The following HAUS8 variants were observed in gnomAD, a reference collection of about 807,000 sequenced individuals.
The protein encoded by HAUS8 is HAUS augmin like complex subunit 8, also known as HAUS augmin-like complex subunit 8.
In HAUS8, 38 loss-of-function variants were observed where a neutral mutation model predicts 42.9. The ratio of observed to expected loss-of-function variants is 0.89; its 90% CI spans 0.68 to 1.16. The LOEUF is 1.16. HAUS8 is among the 50% of genes most tolerant of loss of function. HAUS8 has a pLI of 0.00. For synonymous variants in HAUS8, 199 were observed against 205.8 expected, an observed-to-expected ratio of 0.97 and a Z score of 0.28; for missense variants, 494 against 511.6, an observed-to-expected ratio of 0.97 and a Z score of 0.33.
chr19:17,061,278 G>C (rs1218995282), intron 4 of HAUS8, among the ~76,000 whole-genome samples: 7 of 152,098 alleles, frequency 4.6e-5, no homozygotes, highest in African/African-American at 1.7e-4. Context: ...ATACAGGCAA[G>C]TGTCACCATG....
chr19:17,054,900 G>C (rs1315391583), intron 9 of HAUS8: 1 of 149,096 alleles, frequency 6.7e-6, no homozygotes, highest in Non-Finnish European at 1.5e-5. Flanking sequence ...AGCCTGAGAA[G>C]TTGAAGGCTG....
chr19:17,066,488 A>AG (rs1431006327), intron 3 of HAUS8, among the ~76,000 whole-genome samples: 1 of 152,124 alleles, frequency 6.6e-6, no homozygotes, highest in South Asian at 2.1e-4. Flanking sequence ...GAACCCAAAG[A>AG]GGGGGGTCAT....
Position 17,050,019 on chromosome 19 carries a change from T to C in HAUS8, c.1087A>G (p.Asn363Asp). 6.2e-7 allele frequency: 1 copy of C among 1,609,032 alleles called. No individual in the cohort carries two copies. Among genetic ancestry groups the C allele is most frequent in the Admixed American group, 1.7e-5 (1 of 59,160 alleles). The change falls in exon 11 of 11, where the codon AAC becomes GAC. Residue 363 changes from asparagine (N) to aspartate (D), a missense_variant. By Grantham distance (23) the Asn-to-Asp change is conservative (BLOSUM62 1). Coordinates refer to ENST00000253669, the MANE Select transcript of HAUS8 (RefSeq NM_033417.2). Reference sequence around the variant, plus strand: ...TTGTCGTCCTCAGACAGGGGCGTGTTCTTGGGTGCTCCCCCAGATTCTCTG... The same window carrying C: ...TTGTCGTCCTCAGACAGGGGCGTGTCCTTGGGTGCTCCCCCAGATTCTCTG... ...ACRESGGAPK[N>D]TPLSEDDNPG...
At position 17,059,662 on chromosome 19, in the gene HAUS8, G is replaced by A; in HGVS notation, c.326-11C>T. On this transcript the variant is annotated splice_polypyrimidine_tract_variant and intron_variant, in intron 5 of 10. Transcript: ENST00000253669. ...TGACGATGCTTTTGTCTAAGATAAAGCACAGCATTTTTAATGGCAAGTAGC... is the reference window on the plus strand; with the variant it reads ...TGACGATGCTTTTGTCTAAGATAAAACACAGCATTTTTAATGGCAAGTAGC... The A allele has an allele frequency of 3.1e-6, 5 of 1,600,200 alleles. No individual in the cohort carries two copies. Among genetic ancestry groups the A allele is most frequent in the Non-Finnish European group, 3.4e-6 (4 of 1,168,578 alleles).
intron 3 of HAUS8, 148 bp from the exon 4 acceptor site, chr19:17,062,927 C>A: frequency 1.6e-6 from 1 of 608,682 alleles, no homozygotes; most frequent in Non-Finnish European, 2.9e-6. Context: ...ACCTCATATA[C>A]ACAGGACAAA....
chr19:17,065,802 C>T lies in HAUS8; in HGVS notation c.148-3023G>A, dbSNP rs150279707. On this transcript the variant is annotated intron_variant, in intron 3 of 10. Coordinates refer to ENST00000253669, the MANE Select transcript of HAUS8 (RefSeq NM_033417.2). The stretch of plus-strand genomic sequence containing the variant: ...TCGCACCACTGCATTCCAGACTGGG[C>T]GACAGAGCGAGGCTCTATCTCAAAA... 7.0e-3 allele frequency among the ~76,000 whole-genome samples: 1,015 copies of T among 145,186 alleles called. 7 individuals are homozygous for T. Among genetic ancestry groups the T allele is most frequent in the Non-Finnish European group, 9.8e-3 (657 of 67,144 alleles).
intron 2 of HAUS8, among the ~76,000 whole-genome samples, chr19:17,071,833 C>T (rs755066142): frequency 6.6e-6 from 1 of 152,012 alleles, no homozygotes; most frequent in African/African-American, 2.4e-5. Flanking sequence ...CCTGTCTCTA[C>T]TAAAAATACA....
rs747650425 is a variant in HAUS8 at position 17,075,440 on chromosome 19, C to G, written c.-18G>C. 41 of 1,613,386 alleles carry G rather than the reference C, an allele frequency of 2.5e-5. No homozygotes were observed. Among genetic ancestry groups the G allele is most frequent in the Non-Finnish European group, 3.1e-5 (37 of 1,179,824 alleles). On this transcript the variant is annotated 5_prime_UTR_variant, in exon 1 of 11. Coordinates refer to ENST00000253669, the MANE Select transcript of HAUS8 (RefSeq NM_033417.2). ...TCCGCCATTTTCCCGCCTTCCACCTCAAGGCCCGACCCGCCGGCTTTTCAA... is the reference window on the plus strand; with the variant it reads ...TCCGCCATTTTCCCGCCTTCCACCTGAAGGCCCGACCCGCCGGCTTTTCAA...
At chr19:17,058,964 G>T in intron 6 of HAUS8, 88 bp from the exon 7 acceptor site, 1 of 1,059,126 alleles carries the variant, frequency 9.4e-7, no homozygotes, top group Non-Finnish European at 1.4e-6. Flanking sequence ...TCTGGCTTGT[G>T]TGGATTTTCT....
At chr19:17,055,804 C>T in intron 9 of HAUS8, 57 bp downstream of exon 9, 1 of 1,540,874 alleles carries the variant, frequency 6.5e-7, no homozygotes, top group Non-Finnish European at 8.8e-7. Flanking sequence ...CAGGAAGCAC[C>T]CACACACGCT....
At position 17,062,907 on chromosome 19, in the gene HAUS8, T is replaced by A. The variant is rs571535110; in HGVS notation, c.148-128A>T. ...AGGCAGGGGAGACATTTAAAGAGGT[T>A]TGAAATCTTACCTCATATACACAGG... is the stretch of plus-strand genomic sequence containing the variant. On this transcript the variant is annotated intron_variant, in intron 3 of 10. Transcript: ENST00000253669. 17 of 696,050 alleles carry A rather than the reference T, an allele frequency of 2.4e-5. No individual in the cohort carries two copies. In the African/African-American group the frequency reaches 2.7e-4, roughly 11 times the overall value. 43.1% of individuals were successfully genotyped at this position (696,050 alleles called of 1,614,324 possible). A position where few individuals can be genotyped will look rare whatever the true frequency, so the allele number is the denominator to read the frequency against.
At chr19:17,059,532 C>A (rs1345583436) in intron 6 of HAUS8, 25 bp downstream of exon 6, 1 of 1,514,602 alleles carries the variant, frequency 6.6e-7, no homozygotes, top group African/African-American at 1.4e-5. Context: ...CCATCTGTGG[C>A]TGCCCTCTTC....
chr19:17,055,105 G>A (rs547062427), intron 9 of HAUS8: 29 of 77,770 alleles, frequency 3.7e-4, no homozygotes, highest in African/African-American at 1.3e-3. Flanking sequence ...GCGAAACCCC[G>A]TCTCTACAGA....
rs761885901 is a variant in HAUS8, at chr19:17,059,574, G to A, written c.403C>T (p.Pro135Ser). The A allele has an allele frequency of 7.4e-6, 12 of 1,613,146 alleles. No homozygotes were observed. The highest frequency in any genetic ancestry group is 1.6e-4 in the Middle Eastern group (1 of 6,084). Residue 135 changes from proline (P) to serine (S), a missense_variant, in exon 6 of 11, where the codon CCT (proline) becomes TCT (serine). By Grantham distance (74) the Pro-to-Ser change is moderately conservative. Coordinates refer to ENST00000253669, the MANE Select transcript of HAUS8 (RefSeq NM_033417.2). ...KKPESTSFSA[P>S]RKKSPDLSEA... ...ACACTTACCGGGCTCTTTTTCCGAG[G>A]GGCAGAAAATGATGTTGACTCAGGT...
chr19:17,073,260 C>T lies in HAUS8; in HGVS notation c.91+14G>A. 6.2e-7 allele frequency: 1 copy of T among 1,609,596 alleles called. No individual in the cohort carries two copies. Among genetic ancestry groups the T allele is most frequent in the African/African-American group, 1.3e-5 (1 of 74,972 alleles). ...GAAAACCATGTTCCTTAAAGAGATC[C>T]TGACACTGCTTACCTTGAACTCTTT... On this transcript the variant is annotated intron_variant, in intron 2 of 10. Transcript: ENST00000253669.
At chr19:17,062,035 A>G (rs558074798) in intron 4 of HAUS8, among the ~76,000 whole-genome samples, 1 of 152,334 alleles carries the variant, frequency 6.6e-6, no homozygotes, top group South Asian at 2.1e-4. Flanking sequence ...CTTTGCTTGT[A>G]AATAGTTTTA....
At chr19:17,075,466 A>G (rs764120181), upstream of HAUS8, 55 of 1,610,708 alleles carry the variant, frequency 3.4e-5, no homozygotes, top group Non-Finnish European at 4.5e-5. Flanking sequence ...GGCTTTTCAA[A>G]GCCGGACCCG....
At position 17,073,270 on chromosome 19, in the gene HAUS8, T is replaced by C; in HGVS notation, c.91+4A>G. Reference sequence around the variant, plus strand: ...TTCCTTAAAGAGATCCTGACACTGCTTACCTTGAACTCTTTTATCCTTCTT... The same window carrying C: ...TTCCTTAAAGAGATCCTGACACTGCCTACCTTGAACTCTTTTATCCTTCTT... On this transcript the variant is annotated splice_donor_region_variant and intron_variant, in intron 2 of 10. Transcript: ENST00000253669. 3 of 1,612,446 alleles carry C rather than the reference T, an allele frequency of 1.9e-6. No individual in the cohort carries two copies. The highest frequency in any genetic ancestry group is 2.5e-6 in the Non-Finnish European group (3 of 1,178,454).
intron 3 of HAUS8, among the ~76,000 whole-genome samples, chr19:17,065,747 C>A (rs2057383532): frequency 6.6e-6 from 1 of 151,888 alleles, no homozygotes; most frequent in Admixed American, 6.6e-5. Flanking sequence ...TAGCTTGAAC[C>A]CGGGAGGCAG....
Sources: allele counts gnomAD v4.1 joint callset (sites outside exome capture counted in the v4.1 genomes callset), GRCh38; gene constraint gnomAD v4.1.1; transcripts MANE v1.5; gene names NCBI Gene and HGNC (gene_info 2026-07-23, HGNC 2026-07-21).